Variants in MALRD1 observed in about 807,000 individuals in gnomAD.
MALRD1 encodes MAM and LDL-receptor class A domain-containing protein 1.
MALRD1 carries 247 observed loss-of-function variants against 242.1 expected under a neutral mutation model. That is an observed-to-expected ratio of 1.02 (90% confidence interval 0.92 to 1.13). MALRD1 has a LOEUF of 1.13. Ranked by LOEUF, MALRD1 falls within the 50% of genes most tolerant of loss-of-function variation. The probability of loss-of-function intolerance (pLI) is 0.00; values close to 1 mark genes in which losing one functional copy is unlikely to be tolerated. For synonymous variants in MALRD1, 995 were observed against 866.6 expected (o/e 1.15, Z -2.60); for missense variants, 2,989 against 2,533.1 (o/e 1.18, Z -3.86).
At chr10:19,161,526 T>A (rs11815938) in intron 12 of MALRD1, among the ~76,000 whole-genome samples, 21,374 of 63,132 alleles carry the variant, frequency 0.34, 2,613 homozygotes, top group Admixed American at 0.43. Flanking sequence ...TAAATAAATA[T>A]AATAAAAATA....
At chr10:19,115,196 C>T (rs1263575597) in intron 5 of MALRD1, among the ~76,000 whole-genome samples, 1 of 152,122 alleles carries the variant, frequency 6.6e-6, no homozygotes, top group Non-Finnish European at 1.5e-5. Flanking sequence ...CCTGCTTCTT[C>T]TCCTAGAAAC....
chr10:19,319,727 G>T (rs1842841040), intron 21 of MALRD1, among the ~76,000 whole-genome samples: 1 of 151,770 alleles, frequency 6.6e-6, no homozygotes, highest in Non-Finnish European at 1.5e-5. Flanking sequence ...AGCTCTCTGG[G>T]GTCTCCTTTG....
intron 31 of MALRD1, among the ~76,000 whole-genome samples, chr10:19,503,427 C>A (rs747600286): frequency 1.4e-4 from 21 of 152,180 alleles, no homozygotes; most frequent in Non-Finnish European, 2.9e-4. Context: ...ATTTTCACTG[C>A]CCATCACAGG....
chr10:19,309,474 G>A (rs1305606518), intron 21 of MALRD1, among the ~76,000 whole-genome samples: 2 of 151,382 alleles, frequency 1.3e-5, no homozygotes, highest in Admixed American at 1.3e-4. Flanking sequence ...GTAGTGTTAT[G>A]GGCCACTATT....
At chr10:19,503,433 A>G (rs772056337) in intron 31 of MALRD1, among the ~76,000 whole-genome samples, 1 of 152,220 alleles carries the variant, frequency 6.6e-6, no homozygotes, top group Non-Finnish European at 1.5e-5. Context: ...ACTGCCCATC[A>G]CAGGGCTATT....
chr10:19,179,189 AAG>A lies in MALRD1; in HGVS notation c.1951+3864_1951+3865del, dbSNP rs1342147966. ...CTATGTAGTCATATTTGTAGAATCA[AAG>A]AGTAAAATTGTGGTAACCAGGTTCT... On this transcript the variant is annotated intron_variant, in intron 14 of 39. Transcript: ENST00000454679. Among the ~76,000 whole-genome samples the A allele has an allele frequency of 1.2e-4, 18 of 152,320 alleles. No individual in the cohort carries two copies. The East Asian group carries it at 3.5e-3, about 29-fold the overall frequency.
intron 21 of MALRD1, among the ~76,000 whole-genome samples, chr10:19,296,113 G>A (rs536755427): frequency 4.6e-5 from 7 of 152,128 alleles, no homozygotes; most frequent in Admixed American, 2.0e-4. Context: ...AGGGTGGGCC[G>A]CCAACTCTTG....
chr10:19,454,717 C>CAG (rs1344799319), intron 29 of MALRD1, among the ~76,000 whole-genome samples: 1 of 104,112 alleles, frequency 9.6e-6, no homozygotes, highest in Non-Finnish European at 1.8e-5. Flanking sequence ...CACACGTACA[C>CAG]ACACACACAC....
intron 26 of MALRD1, among the ~76,000 whole-genome samples, chr10:19,387,156 G>C (rs6481893): frequency 0.87 from 132,823 of 152,142 alleles, 58,224 homozygotes; most frequent in African/African-American, 0.92. Context: ...TCTCTTAGCT[G>C]CTTAAAGATT....
intron 29 of MALRD1, among the ~76,000 whole-genome samples, chr10:19,465,661 G>A (rs1836185556): frequency 6.6e-6 from 1 of 152,088 alleles, no homozygotes; most frequent in South Asian, 2.1e-4. Context: ...CTCTCAAGTA[G>A]CCATGACCAC....
intron 36 of MALRD1, among the ~76,000 whole-genome samples, chr10:19,641,280 A>G (rs993370099): frequency 6.6e-6 from 1 of 152,186 alleles, no homozygotes; most frequent in Non-Finnish European, 1.5e-5. Context: ...AAGATATTAT[A>G]GATAAACTGT....
At chr10:19,207,098 C>G (rs537531295) in intron 17 of MALRD1, among the ~76,000 whole-genome samples, 4 of 152,200 alleles carry the variant, frequency 2.6e-5, no homozygotes, top group African/African-American at 9.6e-5. Flanking sequence ...ATTCACATAC[C>G]CTTTTATTTA....
rs74118697 is a variant in MALRD1, at chr10:19,076,059, T to G, written c.340+9200T>G. 3.3e-3 allele frequency among the ~76,000 whole-genome samples: 505 copies of G among 152,098 alleles called. 3 individuals are homozygous for G. The highest frequency in any genetic ancestry group is 0.012 in the African/African-American group (481 of 41,540). ...ATGATTTGGGGGAAAATCCCTGGGC[T>G]TTCCTTTTTCTCTTTTACATGGTTC... is the stretch of plus-strand genomic sequence containing the variant. On this transcript the variant is annotated intron_variant, in intron 2 of 39. Transcript: ENST00000454679.
chr10:19,242,271 A>G (rs1838825021), intron 18 of MALRD1, among the ~76,000 whole-genome samples: 1 of 152,182 alleles, frequency 6.6e-6, no homozygotes, highest in Non-Finnish European at 1.5e-5. Context: ...CGTATTCACT[A>G]CCACAAGAAC....
At chr10:19,272,483 G>C (rs114900346) in intron 19 of MALRD1, among the ~76,000 whole-genome samples, 2,152 of 152,112 alleles carry the variant, frequency 0.014, 42 homozygotes, top group African/African-American at 0.049. Flanking sequence ...CCCTTTAAAA[G>C]TATTTAAAAA....
intron 19 of MALRD1, among the ~76,000 whole-genome samples, chr10:19,265,711 T>C (rs1427032015): frequency 6.6e-6 from 1 of 152,132 alleles, no homozygotes; most frequent in Admixed American, 6.6e-5. Context: ...AATGAAATGT[T>C]TTGTATATGA....
At chr10:19,683,968 C>G in intron 36 of MALRD1, among the ~76,000 whole-genome samples, 1 of 152,038 alleles carries the variant, frequency 6.6e-6, no homozygotes, top group East Asian at 1.9e-4. Context: ...GTGATGTTCC[C>G]CTCCCTGTGT....
At chr10:19,103,155 A>C (rs145312614) in intron 4 of MALRD1, among the ~76,000 whole-genome samples, 4 of 152,204 alleles carry the variant, frequency 2.6e-5, no homozygotes, top group African/African-American at 9.6e-5. Context: ...GGCCACGTTC[A>C]GTCATTTTAA....
intron 33 of MALRD1, among the ~76,000 whole-genome samples, chr10:19,584,539 G>T (rs1374854074): frequency 1.3e-5 from 2 of 152,160 alleles, no homozygotes; most frequent in African/African-American, 2.4e-5. Context: ...GCGGTTTTGA[G>T]TGAGTTTCTT....
Sources: gnomAD v4.1 joint callset for allele counts (sites outside exome capture counted in the v4.1 genomes callset) on GRCh38, gnomAD v4.1.1 for gene constraint, MANE v1.5 for transcripts, NCBI Gene and HGNC (gene_info 2026-07-23, HGNC 2026-07-21) for gene names.